The following SRD5A2 variants were observed in gnomAD, a reference collection of about 807,000 sequenced individuals.
SRD5A2 encodes steroid 5 alpha-reductase 2.
Under a neutral mutation model 27.4 loss-of-function variants are expected in SRD5A2, and 30 were observed. The observed-to-expected ratio is 1.10, with a 90% confidence interval of 0.82 to 1.49. SRD5A2 has a LOEUF of 1.49. Among genes scored for constraint, SRD5A2 ranks in the 40% most tolerant of loss-of-function variants. The pLI, the probability that SRD5A2 is intolerant of heterozygous loss-of-function variation, is 0.00. For synonymous variants in SRD5A2, 141 were observed against 133.6 expected, an observed-to-expected ratio of 1.06 and a Z score of -0.38; for missense variants, 348 against 323.4, an observed-to-expected ratio of 1.08 and a Z score of -0.58.
At chr2:31,639,043 A>G in the SRD5A2 span, among the ~76,000 whole-genome samples, 1 of 151,762 alleles carries the variant, frequency 6.6e-6, no homozygotes, top group Admixed American at 6.6e-5. Flanking sequence ...AATATCTTTT[A>G]GTTTGTTCCT....
chr2:31,654,570 C>T, the SRD5A2 span, among the ~76,000 whole-genome samples: 1 of 151,954 alleles, frequency 6.6e-6, no homozygotes, highest in Non-Finnish European at 1.5e-5. Context: ...TTCCTTTGTC[C>T]CCATCTTTTT....
chr2:31,610,908 G>T, the SRD5A2 span, among the ~76,000 whole-genome samples: 1 of 152,094 alleles, frequency 6.6e-6, no homozygotes, highest in Non-Finnish European at 1.5e-5. Flanking sequence ...AGGAGTTTGA[G>T]ACCAGCCTGA....
At chr2:31,598,758 G>A in the SRD5A2 span, among the ~76,000 whole-genome samples, 1 of 151,496 alleles carries the variant, frequency 6.6e-6, no homozygotes, top group Non-Finnish European at 1.5e-5. Flanking sequence ...AAGGAAAGAA[G>A]GAAGAGAACA....
chr2:31,602,465 G>A, the SRD5A2 span, among the ~76,000 whole-genome samples: 5,737 of 152,096 alleles, frequency 0.038, 214 homozygotes, highest in Admixed American at 0.11. Flanking sequence ...TCAATATTGC[G>A]AAAATGGTCA....
At chr2:31,629,351 C>T in the SRD5A2 span, among the ~76,000 whole-genome samples, 2 of 152,280 alleles carry the variant, frequency 1.3e-5, no homozygotes, top group Middle Eastern at 3.4e-3. Flanking sequence ...ATCTTGGGAG[C>T]TCTAAGAACA....
upstream of SRD5A2, among the ~76,000 whole-genome samples, chr2:31,583,453 C>A (rs1365944696): frequency 1.3e-5 from 2 of 151,954 alleles, no homozygotes; most frequent in Admixed American, 6.6e-5. Context: ...AATAATGCAA[C>A]TGGTCTGTAT....
chr2:31,533,606 A>G lies in SRD5A2; in HGVS notation c.442T>C (p.Leu148=), dbSNP rs1456241407. 32 of 1,551,662 alleles carry G rather than the reference A, an allele frequency of 2.1e-5. No individual in the cohort carries two copies. The highest frequency in any genetic ancestry group is 2.6e-5 in the Non-Finnish European group (30 of 1,147,056). Residue 148 remains leucine, a synonymous_variant, in exon 2 of 5, where the codon TTG becomes CTG. Transcript: ENST00000622030. ...DGWYTDIRFS[L]GVFLFILGMG... Reference sequence around the variant, plus strand: ...AGAAGTGGGCAGATTCACTTACCCAAGCTAAACCGTATGTCTGTGTACCAC... The same window carrying G: ...AGAAGTGGGCAGATTCACTTACCCAGGCTAAACCGTATGTCTGTGTACCAC...
At chr2:31,632,513 C>G in the SRD5A2 span, among the ~76,000 whole-genome samples, 3 of 152,156 alleles carry the variant, frequency 2.0e-5, no homozygotes, top group African/African-American at 7.2e-5. Context: ...CTGAGGGTGC[C>G]CGGGGCAAGT....
At chr2:31,588,207 G>A in the SRD5A2 span, among the ~76,000 whole-genome samples, 1 of 152,018 alleles carries the variant, frequency 6.6e-6, no homozygotes, top group Non-Finnish European at 1.5e-5. Context: ...TTATTCAAAG[G>A]GCTAATAACA....
the SRD5A2 span, among the ~76,000 whole-genome samples, chr2:31,610,206 A>G: frequency 2.0e-5 from 3 of 152,294 alleles, no homozygotes; most frequent in African/African-American, 7.2e-5. Flanking sequence ...AAGCCAGATA[A>G]GGATACTACA....
the SRD5A2 span, among the ~76,000 whole-genome samples, chr2:31,602,266 C>G: frequency 7.9e-5 from 12 of 151,858 alleles, no homozygotes. Flanking sequence ...TATACACCAA[C>G]AACAGGCAAG....
At chr2:31,542,485 G>C (rs1267138484) in intron 1 of SRD5A2, among the ~76,000 whole-genome samples, 1 of 152,040 alleles carries the variant, frequency 6.6e-6, no homozygotes, top group East Asian at 1.9e-4. Flanking sequence ...CTACAGCCTG[G>C]ATGACAGAGC....
chr2:31,662,611 T>C, the SRD5A2 span, among the ~76,000 whole-genome samples: 1 of 152,170 alleles, frequency 6.6e-6, no homozygotes, highest in African/African-American at 2.4e-5. Context: ...TGGTCTGTTT[T>C]GTTTTTAAGA....
intron 1 of SRD5A2, among the ~76,000 whole-genome samples, chr2:31,559,727 A>G (rs1401302670): frequency 1.3e-5 from 2 of 152,142 alleles, no homozygotes; most frequent in Admixed American, 6.5e-5. Flanking sequence ...TAGCACCTAG[A>G]CTCTATGTCA....
intron 1 of SRD5A2, among the ~76,000 whole-genome samples, chr2:31,566,952 T>C (rs1415298686): frequency 6.6e-6 from 1 of 152,240 alleles, no homozygotes. Flanking sequence ...TTTTCATTTG[T>C]ACATGTCAAC....
intron 1 of SRD5A2, among the ~76,000 whole-genome samples, chr2:31,551,688 G>C (rs549737834): frequency 7.9e-4 from 120 of 152,174 alleles, no homozygotes; most frequent in Non-Finnish European, 1.4e-3. Flanking sequence ...GTTTTAAGTA[G>C]AACTGTTGAA....
chr2:31,655,326 C>T, the SRD5A2 span, among the ~76,000 whole-genome samples: 2 of 152,170 alleles, frequency 1.3e-5, no homozygotes, highest in African/African-American at 4.8e-5. Context: ...ATCTCGAACT[C>T]CTGACCTCGT....
At chr2:31,654,628 T>A in the SRD5A2 span, among the ~76,000 whole-genome samples, 89 of 152,108 alleles carry the variant, frequency 5.9e-4, no homozygotes, top group African/African-American at 2.1e-3. Flanking sequence ...AATAAATAAA[T>A]AATAATAAAT....
At chr2:31,534,240 A>C (rs1034607890) in intron 1 of SRD5A2, among the ~76,000 whole-genome samples, 8 of 152,180 alleles carry the variant, frequency 5.3e-5, no homozygotes, top group Non-Finnish European at 1.0e-4. Flanking sequence ...AAACCTTTCT[A>C]ATTACTCTTG....
Sources: allele counts gnomAD v4.1 joint callset (sites outside exome capture counted in the v4.1 genomes callset), GRCh38; gene constraint gnomAD v4.1.1; transcripts MANE v1.5; gene names NCBI Gene and HGNC (gene_info 2026-07-23, HGNC 2026-07-21).